The following CDK14 variants were observed in gnomAD, a reference collection of about 807,000 sequenced individuals.
CDK14 encodes the protein cyclin-dependent kinase 14.
Under a neutral mutation model 60.7 loss-of-function variants are expected in CDK14, and 34 were observed. That is an observed-to-expected ratio of 0.56 (90% CI 0.43 to 0.75). The LOEUF is 0.75. CDK14 is among the 30% of genes least tolerant of loss of function. The pLI is 0.00. For missense variants in CDK14, 482 were observed against 564.1 expected, an observed-to-expected ratio of 0.85 and a Z score of 1.47; for synonymous variants, 197 against 203.7, an observed-to-expected ratio of 0.97 and a Z score of 0.28.
intron 2 of CDK14, among the ~76,000 whole-genome samples, chr7:90,679,977 T>C (rs1801282668): frequency 6.6e-6 from 1 of 152,178 alleles, no homozygotes; most frequent in Non-Finnish European, 1.5e-5. Flanking sequence ...CCTGGTGCTT[T>C]AGATGTAATT....
intron 6 of CDK14, among the ~76,000 whole-genome samples, chr7:90,869,730 G>A (rs900552320): frequency 6.6e-6 from 1 of 152,170 alleles, no homozygotes; most frequent in Non-Finnish European, 1.5e-5. Context: ...TTGTGTGGCC[G>A]ACACACCTGT....
At chr7:91,118,249 A>G (rs1030618725) in intron 14 of CDK14, 41 bp downstream of exon 14, 5 of 898,934 alleles carry the variant, frequency 5.6e-6, no homozygotes, top group Non-Finnish European at 8.9e-6. Flanking sequence ...TATTTAATGG[A>G]TATTGAACGG....
At chr7:91,129,610 G>T (rs556088171) in intron 14 of CDK14, among the ~76,000 whole-genome samples, 1 of 152,178 alleles carries the variant, frequency 6.6e-6, no homozygotes, top group South Asian at 2.1e-4. Flanking sequence ...AAAAACTATG[G>T]TTATTCAGAC....
At chr7:90,602,743 A>C (rs1019664963) in intron 1 of CDK14, among the ~76,000 whole-genome samples, 2 of 152,262 alleles carry the variant, frequency 1.3e-5, no homozygotes, top group African/African-American at 4.8e-5. Flanking sequence ...ACAAAGGACT[A>C]TCTTTTTATT....
intron 5 of CDK14, among the ~76,000 whole-genome samples, chr7:90,828,363 A>G (rs1413340117): frequency 1.3e-5 from 2 of 152,204 alleles, no homozygotes; most frequent in African/African-American, 2.4e-5. Flanking sequence ...CAGTATCACA[A>G]TCGGAGGATT....
intron 4 of CDK14, among the ~76,000 whole-genome samples, chr7:90,763,256 A>G (rs73707528): frequency 0.015 from 2,340 of 152,332 alleles, 49 homozygotes; most frequent in African/African-American, 0.052. Flanking sequence ...TTAAGCAGGC[A>G]GAGATATCAC....
At chr7:90,868,552 A>G (rs1038298616) in intron 6 of CDK14, among the ~76,000 whole-genome samples, 1 of 152,092 alleles carries the variant, frequency 6.6e-6, no homozygotes, top group Non-Finnish European at 1.5e-5. Flanking sequence ...TTTTGTTCCT[A>G]TTGTGCTATA....
At chr7:90,813,253 A>T (rs1284703987) in intron 5 of CDK14, among the ~76,000 whole-genome samples, 3 of 152,170 alleles carry the variant, frequency 2.0e-5, no homozygotes, top group Non-Finnish European at 4.4e-5. Context: ...CTTTCCAGAA[A>T]AAGTTGCCTG....
At chr7:90,733,839 G>A (rs1218326421) in intron 3 of CDK14, among the ~76,000 whole-genome samples, 1 of 152,182 alleles carries the variant, frequency 6.6e-6, no homozygotes, top group African/African-American at 2.4e-5. Context: ...GTGTGAATTC[G>A]ATCGTGTTAT....
At chr7:91,074,030 T>C (rs1204265714) in intron 11 of CDK14, among the ~76,000 whole-genome samples, 1 of 152,156 alleles carries the variant, frequency 6.6e-6, no homozygotes, top group Non-Finnish European at 1.5e-5. Flanking sequence ...AGAAAGAGTT[T>C]TAGACTCCCA....
intron 10 of CDK14, among the ~76,000 whole-genome samples, chr7:90,985,557 G>C (rs1001681289): frequency 6.6e-6 from 1 of 152,090 alleles, no homozygotes; most frequent in Non-Finnish European, 1.5e-5. Flanking sequence ...GACAAATTAA[G>C]TAAGCGCAAC....
chr7:91,066,638 G>A (rs958311977), intron 11 of CDK14, among the ~76,000 whole-genome samples: 4 of 152,152 alleles, frequency 2.6e-5, no homozygotes, highest in Non-Finnish European at 4.4e-5. Context: ...GTTAAAGTTT[G>A]CTTTGTAGTG....
intron 2 of CDK14, among the ~76,000 whole-genome samples, chr7:90,667,587 T>C (rs1460711717): frequency 2.6e-5 from 4 of 152,102 alleles, no homozygotes; most frequent in African/African-American, 9.7e-5. Context: ...TTTTTTTTTT[T>C]TTGAGACGGA....
At chr7:90,621,341 G>A (rs1799760915) in intron 2 of CDK14, among the ~76,000 whole-genome samples, 1 of 152,178 alleles carries the variant, frequency 6.6e-6, no homozygotes, top group African/African-American at 2.4e-5. Context: ...TTCATGTGTT[G>A]AGTAACTGGG....
intron 14 of CDK14, among the ~76,000 whole-genome samples, chr7:91,138,150 T>A (rs1800342163): frequency 6.6e-6 from 1 of 152,236 alleles, no homozygotes; most frequent in African/African-American, 2.4e-5. Context: ...CAGCCATGGT[T>A]CAATAATCAA....
At chr7:90,989,001 AGTGTGT>A (rs10696275) in intron 10 of CDK14, among the ~76,000 whole-genome samples, 7 of 149,746 alleles carry the variant, frequency 4.7e-5, no homozygotes, top group African/African-American at 1.7e-4. Context: ...TTTGTGTGTG[AGTGTGT>A]GTGTGTGTGT....
chr7:90,887,538 C>G (rs1402019886), intron 6 of CDK14, among the ~76,000 whole-genome samples: 1 of 152,118 alleles, frequency 6.6e-6, no homozygotes, highest in Non-Finnish European at 1.5e-5. Flanking sequence ...TAGATATACT[C>G]TATTCGTAAC....
At chr7:91,091,787 G>T (rs1019300330) in intron 12 of CDK14, among the ~76,000 whole-genome samples, 1 of 129,264 alleles carries the variant, frequency 7.7e-6, no homozygotes, top group African/African-American at 2.6e-5. Context: ...AAGCTCCCAA[G>T]TAATCAGATG....
chr7:90,775,643 C>CCCCCTT (rs1463727168), intron 4 of CDK14, among the ~76,000 whole-genome samples: 1 of 101,584 alleles, frequency 9.8e-6, no homozygotes, highest in African/African-American at 3.6e-5. Context: ...CCCTTCCCCT[C>CCCCCTT]CCCCTTCCCC....
Sources: gnomAD v4.1 joint callset for allele counts (sites outside exome capture counted in the v4.1 genomes callset) on GRCh38, gnomAD v4.1.1 for gene constraint, MANE v1.5 for transcripts, NCBI Gene and HGNC (gene_info 2026-07-23, HGNC 2026-07-21) for gene names.